Variants in MYO18B observed in about 807,000 individuals in gnomAD.
The protein encoded by MYO18B is myosin XVIIIB.
A neutral mutation model predicts 273.0 loss-of-function variants in MYO18B; 204 were observed. The observed-to-expected ratio is 0.75, with a 90% confidence interval of 0.67 to 0.84. MYO18B has a LOEUF of 0.84. Among genes scored for constraint, MYO18B ranks in the 40% least tolerant of loss-of-function variants. The pLI is 0.00. For synonymous variants in MYO18B, 1,330 were observed against 1,305.7 expected (o/e 1.02, Z -0.40); for missense variants, 3,212 against 3,287.6 (o/e 0.98, Z 0.56).
At position 25,768,588 on chromosome 22, in the gene MYO18B, A is replaced by G; in HGVS notation, c.672A>G (p.Pro224=). ...EKTRTGGLGD[P]GQGTVALKKG... ...CCCGGACTGGGGGTCTTGGGGACCCAGGCCAAGGAACTGTGGCACTGAAAA... is the reference window on the plus strand; with the variant it reads ...CCCGGACTGGGGGTCTTGGGGACCCGGGCCAAGGAACTGTGGCACTGAAAA... The change falls in exon 4 of 44, where the codon CCA becomes CCG. Residue 224 remains proline (P), a synonymous_variant. Coordinates refer to ENST00000335473, the MANE Select transcript of MYO18B (RefSeq NM_032608.7). The G allele has an allele frequency of 6.5e-7, 1 of 1,529,772 alleles. No individual in the cohort carries two copies. The highest frequency in any genetic ancestry group is 1.3e-5 in the South Asian group (1 of 75,090). 94.8% of individuals were successfully genotyped at this position (1,529,772 alleles called of 1,614,324 possible). A position where few individuals can be genotyped will look rare whatever the true frequency, so the allele number is the denominator to read the frequency against.
chr22:25,971,760 G>C (rs779161034), intron 39 of MYO18B, among the ~76,000 whole-genome samples: 1 of 152,196 alleles, frequency 6.6e-6, no homozygotes, highest in African/African-American at 2.4e-5. Flanking sequence ...TTTAGAGAGA[G>C]TAGTTTTTGT....
rs757746935 is a variant in MYO18B at position 25,768,484 on chromosome 22, G to A, written c.568G>A (p.Glu190Lys). Residue 190 changes from glutamate to lysine, a missense_variant, in exon 4 of 44, where the codon GAA becomes AAA. Glu to Lys is a moderately conservative substitution (Grantham distance 56). Transcript: ENST00000335473. ...TSPPATDTGK[E>K]KKGETSRTPC... The stretch of plus-strand genomic sequence containing the variant: ...TCCCCCCGCCACAGATACTGGAAAG[G>A]AAAAGAAAGGGGAGACCTCTAGGAC... The A allele has an allele frequency of 1.4e-5, 22 of 1,608,880 alleles. No homozygotes were observed. In the African/African-American group the frequency reaches 2.8e-4, roughly 21 times the overall value.
At position 25,947,698 on chromosome 22, in the gene MYO18B, T is replaced by C. The variant is rs765486434; in HGVS notation, c.5632-14T>C. 1.9e-6 allele frequency: 3 copies of C among 1,609,318 alleles called. No homozygotes were observed. In the East Asian group the frequency reaches 6.7e-5, roughly 36 times the overall value. ...CCTCTCACCTTGCCTTGACCACTGA[T>C]CTGCCTCCCCCAGGTGGATGAGCAG... On this transcript the variant is annotated splice_polypyrimidine_tract_variant and intron_variant, in intron 35 of 43. Transcript: ENST00000335473.
At chr22:25,908,718 G>A (rs2092097871) in intron 32 of MYO18B, among the ~76,000 whole-genome samples, 1 of 152,194 alleles carries the variant, frequency 6.6e-6, no homozygotes, top group African/African-American at 2.4e-5. Context: ...CCAAGGACTT[G>A]TAAATTTCAA....
Position 25,768,564 on chromosome 22 carries a change from C to G in MYO18B, c.648C>G (p.Thr216=), listed in dbSNP as rs1168819295. 1 of 1,538,252 alleles carries G rather than the reference C, an allele frequency of 6.5e-7. No homozygotes were observed. Among genetic ancestry groups the G allele is most frequent in the South Asian group, 1.3e-5 (1 of 76,590 alleles). Residue 216 remains threonine (T), a synonymous_variant, in exon 4 of 44, where the codon ACC becomes ACG. Coordinates refer to ENST00000335473, the MANE Select transcript of MYO18B (RefSeq NM_032608.7). ...TCTTGGCCCCGAAAGCTGAGAAGAC[C>G]CGGACTGGGGGTCTTGGGGACCCAG... ...TEILAPKAEK[T]RTGGLGDPGQ... is the part of the protein sequence containing the mutation.
At chr22:25,925,311 G>C (rs1230538151) in intron 34 of MYO18B, among the ~76,000 whole-genome samples, 1 of 151,130 alleles carries the variant, frequency 6.6e-6, no homozygotes, top group Non-Finnish European at 1.5e-5. Context: ...AAGGGGTTCT[G>C]GGGGGAACCA....
At chr22:25,778,723 C>A (rs1442689030) in intron 8 of MYO18B, among the ~76,000 whole-genome samples, 1 of 151,382 alleles carries the variant, frequency 6.6e-6, no homozygotes, top group East Asian at 1.9e-4. Flanking sequence ...AACTCCTGGG[C>A]TCAAGTGATC....
At position 25,827,607 on chromosome 22, in the gene MYO18B, C is replaced by T. The variant is rs1057288975; in HGVS notation, c.2786+1108C>T. On this transcript the variant is annotated intron_variant, in intron 14 of 43. Transcript: ENST00000335473. ...TCCTGTTAAAGGGATGAGGCTGGCG[C>T]GTAGCAACAGAGCAGCCGGGTTTCT... Among the ~76,000 whole-genome samples, 8 of 152,304 alleles carry T rather than the reference C, an allele frequency of 5.3e-5. No individual in the cohort carries two copies. The South Asian group carries it at 1.2e-3, about 24-fold the overall frequency.
At position 25,832,955 on chromosome 22, in the gene MYO18B, C is replaced by A; in HGVS notation, c.3018C>A (p.Ser1006=). The change falls in exon 16 of 44, where the codon TCC becomes TCA. Residue 1006 remains serine (S), a synonymous_variant. Coordinates refer to ENST00000335473, the MANE Select transcript of MYO18B (RefSeq NM_032608.7). The part of the protein sequence containing the change: ...VPVQFDLPDP[S]PGTTVAVVDQ... ...TGCAGTTTGACCTCCCGGACCCCTC[C>A]CCAGGGACCACCGTGGCTGTTGTGG... 6.2e-7 allele frequency: 1 copy of A among 1,613,860 alleles called. No homozygotes were observed. Among genetic ancestry groups the A allele is most frequent in the Non-Finnish European group, 8.5e-7 (1 of 1,179,858 alleles).
At chr22:25,929,474 G>A (rs990298175) in intron 34 of MYO18B, among the ~76,000 whole-genome samples, 1 of 152,186 alleles carries the variant, frequency 6.6e-6, no homozygotes, top group East Asian at 1.9e-4. Context: ...ACATCTGTGA[G>A]CAGCAGATGC....
the MYO18B span, among the ~76,000 whole-genome samples, chr22:26,038,193 G>A: frequency 2.0e-5 from 3 of 152,206 alleles, no homozygotes; most frequent in Admixed American, 2.0e-4. Flanking sequence ...TGGGTCAATT[G>A]TAAATAACTA....
chr22:25,834,409 C>G (rs2089824901), intron 16 of MYO18B, among the ~76,000 whole-genome samples: 4 of 152,142 alleles, frequency 2.6e-5, no homozygotes, highest in African/African-American at 9.7e-5. Flanking sequence ...GGATCCAGTT[C>G]CAGCTCTGCA....
In MYO18B at chr22:25,980,668, C is replaced by T. The variant is rs568401652; in HGVS notation, c.6157-11695C>T. Among the ~76,000 whole-genome samples, 3 of 152,308 alleles carry T rather than the reference C, an allele frequency of 2.0e-5. No homozygotes were observed. In the South Asian group the frequency reaches 6.2e-4, roughly 32 times the overall value. On this transcript the variant is annotated intron_variant, in intron 39 of 43. Transcript: ENST00000335473. ...ATTTAAGGATGATTTTCAAAGTTTT[C>T]TTTTGTCACTTTTTAAATGTTCTAC...
chr22:25,895,452 A>G (rs1434324282), intron 28 of MYO18B, 172 bp downstream of exon 28: 15 of 713,122 alleles, frequency 2.1e-5, no homozygotes, highest in Non-Finnish European at 3.4e-5. Context: ...ACTGTGAGAC[A>G]TGAAAAATAT....
At position 25,783,915 on chromosome 22, in the gene MYO18B, C is replaced by G. The variant is rs192509266; in HGVS notation, c.2313-1513C>G. 2.6e-5 allele frequency among the ~76,000 whole-genome samples: 4 copies of G among 152,348 alleles called. No homozygotes were observed. The East Asian group carries it at 7.7e-4, about 29-fold the overall frequency. Reference sequence around the variant, plus strand: ...GGTGATCCCCCAATTACTTCCCTTTCTCTACCTCTGCTGCTGCCAACTTGG... The same window carrying G: ...GGTGATCCCCCAATTACTTCCCTTTGTCTACCTCTGCTGCTGCCAACTTGG... On this transcript the variant is annotated intron_variant, in intron 10 of 43. Transcript: ENST00000335473.
At chr22:25,940,380 G>A (rs927930506) in intron 34 of MYO18B, among the ~76,000 whole-genome samples, 9 of 152,254 alleles carry the variant, frequency 5.9e-5, no homozygotes, top group East Asian at 1.9e-4. Context: ...GCCTTCTGCC[G>A]TGATTTTGAG....
At chr22:25,993,399 A>T (rs1305423118) in intron 40 of MYO18B, among the ~76,000 whole-genome samples, 1 of 152,164 alleles carries the variant, frequency 6.6e-6, no homozygotes, top group Non-Finnish European at 1.5e-5. Flanking sequence ...TTCAATAAAG[A>T]ATCTACAGGG....
At position 25,947,499 on chromosome 22, in the gene MYO18B, C is replaced by G. The variant is rs929927500; in HGVS notation, c.5632-213C>G. On this transcript the variant is annotated intron_variant, in intron 35 of 43. Transcript: ENST00000335473. ...ATGTAATGCCTAATACACACACACA[C>G]ACACACACACACACACACACACACA... Among the ~76,000 whole-genome samples the G allele has an allele frequency of 5.9e-3, 746 of 126,554 alleles. 7 individuals are homozygous for G. The highest frequency in any genetic ancestry group is 0.058 in the East Asian group (282 of 4,858). The allele number at this position is 126,554 out of a possible 152,430, so 83.0% of individuals were successfully genotyped here.
chr22:25,866,502 A>G (rs2090890360), intron 21 of MYO18B, among the ~76,000 whole-genome samples: 1 of 152,128 alleles, frequency 6.6e-6, no homozygotes, highest in Non-Finnish European at 1.5e-5. Flanking sequence ...TTGGGTGTTT[A>G]TTCATTCAGT....
Sources: allele counts gnomAD v4.1 joint callset (sites outside exome capture counted in the v4.1 genomes callset), GRCh38; gene constraint gnomAD v4.1.1; transcripts MANE v1.5; gene names NCBI Gene and HGNC (gene_info 2026-07-23, HGNC 2026-07-21).